GLYATL1B: variants seen among roughly 807,000 people sequenced by gnomAD.
GLYATL1B encodes the protein glycine-N-acyltransferase like 1B, also known as putative glycine N-acyltransferase-like protein 1B.
A neutral mutation model predicts 5.5 loss-of-function variants in GLYATL1B; 6 were observed. That is an observed-to-expected ratio of 1.09 (90% CI 0.60 to 2.15). The LOEUF (loss-of-function observed/expected upper bound fraction) is 2.15, where lower values mean the gene tolerates loss of function less well. Ranked by LOEUF, GLYATL1B falls within the 30% of genes most tolerant of loss-of-function variation. The pLI is 0.00. For synonymous variants in GLYATL1B, 67 were observed against 34.9 expected, an observed-to-expected ratio of 1.92 and a Z score of -3.24; for missense variants, 135 against 94.1, an observed-to-expected ratio of 1.43 and a Z score of -1.80.
chr11:59,093,393 C>T (rs1859361182), intron 2 of GLYATL1B, 136 bp from the exon 3 acceptor site: 1 of 383,202 alleles, frequency 2.6e-6, no homozygotes, highest in Non-Finnish European at 4.6e-6. Flanking sequence ...CTTATATTAT[C>T]CACGTGCCCA....
At chr11:59,094,330 G>A in intron 4 of GLYATL1B, 39 bp from the exon 5 acceptor site, 1 of 492,898 alleles carries the variant, frequency 2.0e-6, no homozygotes. Context: ...TTACAGGAGT[G>A]GGGATGAAAG....
rs1011228182 is a variant in GLYATL1B at position 59,093,253 on chromosome 11, G to A, written c.187-276G>A. Among the ~76,000 whole-genome samples the A allele has an allele frequency of 1.8e-4, 28 of 152,160 alleles. 1 individual carries two copies. The highest frequency in any genetic ancestry group is 4.1e-4 in the South Asian group (2 of 4,828). On this transcript the variant is annotated intron_variant, in intron 2 of 4. Coordinates refer to ENST00000527482, the MANE Select transcript of GLYATL1B (RefSeq NM_001355566.1). ...GTGAGGCATCTTAAGGCCTGGTGGA[G>A]GGTGACTGATTTCATCCTGTCTTTG...
chr11:59,092,972 A>C (rs188794518), intron 2 of GLYATL1B, among the ~76,000 whole-genome samples: 1 of 152,358 alleles, frequency 6.6e-6, no homozygotes, highest in East Asian at 1.9e-4. Flanking sequence ...ACTATAACTT[A>C]GAGAAATCAT....
intron 2 of GLYATL1B, among the ~76,000 whole-genome samples, chr11:59,091,651 G>A (rs1260122144): frequency 1.3e-5 from 2 of 152,138 alleles, no homozygotes; most frequent in Non-Finnish European, 2.9e-5. Context: ...AAAGTAGTCT[G>A]GAAATTTCTT....
rs546686822 is a variant in GLYATL1B, at chr11:59,094,100, C to T, written c.480C>T (p.Asp160=). ...GSWAETGHPD[D]ELESETPNFK... Reference sequence around the variant, plus strand: ...GGGCTGAGACAGGCCACCCAGATGACGAATTGGAGAGGTACAAAAAACATG... The same window carrying T: ...GGGCTGAGACAGGCCACCCAGATGATGAATTGGAGAGGTACAAAAAACATG... The change falls in exon 4 of 5, where the codon GAC becomes GAT. Residue 160 remains aspartate, a synonymous_variant. Transcript: ENST00000527482. The T allele has an allele frequency of 4.7e-5, 29 of 622,798 alleles. No homozygotes were observed. Among genetic ancestry groups the T allele is most frequent in the South Asian group, 3.0e-4 (13 of 43,172 alleles). The allele number at this position is 622,798 out of a possible 1,614,324, so 38.6% of individuals were successfully genotyped here. A position where few individuals can be genotyped will look rare whatever the true frequency, so the allele number is the denominator to read the frequency against.
At chr11:59,087,564 G>A (rs1263549459) in intron 2 of GLYATL1B, among the ~76,000 whole-genome samples, 1 of 152,150 alleles carries the variant, frequency 6.6e-6, no homozygotes, top group African/African-American at 2.4e-5. Context: ...ACATCTCATG[G>A]CCAGGCATGA....
In GLYATL1B at chr11:59,087,117, G is replaced by C. The variant is rs1198176043; in HGVS notation, c.132G>C (p.Val44=). ...INHGNPFNME[V]LVDSWPEYQM... ...ACGGGAACCCCTTCAACATGGAAGTGTTGGTGGACTCCTGGCCCGAGTATC... is the reference window on the plus strand; with the variant it reads ...ACGGGAACCCCTTCAACATGGAAGTCTTGGTGGACTCCTGGCCCGAGTATC... The change falls in exon 2 of 5, where the codon GTG becomes GTC. Residue 44 remains valine, a synonymous_variant. Coordinates refer to ENST00000527482, the MANE Select transcript of GLYATL1B (RefSeq NM_001355566.1). 64 of 678,264 alleles carry C rather than the reference G, an allele frequency of 9.4e-5. 1 individual carries two copies. Among genetic ancestry groups the C allele is most frequent in the Non-Finnish European group, 1.1e-4 (42 of 369,670 alleles). 42.0% of individuals were successfully genotyped at this position (678,264 alleles called of 1,614,324 possible). A position where few individuals can be genotyped will look rare whatever the true frequency, so the allele number is the denominator to read the frequency against.
chr11:59,093,846 T>C (rs1261612283), intron 3 of GLYATL1B, 88 bp from the exon 4 acceptor site: 2 of 502,936 alleles, frequency 4.0e-6, no homozygotes, highest in African/African-American at 4.0e-5. Flanking sequence ...CTTTGAGAAC[T>C]ACTAAGCACT....
At chr11:59,088,215 T>G (rs144525412) in intron 2 of GLYATL1B, among the ~76,000 whole-genome samples, 1 of 152,198 alleles carries the variant, frequency 6.6e-6, no homozygotes, top group African/African-American at 2.4e-5. Flanking sequence ...TGTCAAACAC[T>G]TAGTATATAG....
intron 2 of GLYATL1B, among the ~76,000 whole-genome samples, chr11:59,087,758 G>T (rs1859220396): frequency 2.6e-5 from 4 of 152,068 alleles, no homozygotes; most frequent in Admixed American, 2.6e-4. Flanking sequence ...GAGGTGGGAG[G>T]ATGGCTTGAG....
chr11:59,090,842 G>T (rs998095655), intron 2 of GLYATL1B, among the ~76,000 whole-genome samples: 2 of 151,998 alleles, frequency 1.3e-5, no homozygotes, highest in Non-Finnish European at 2.9e-5. Flanking sequence ...CATAATAAAA[G>T]TTCTATCCTT....
intron 2 of GLYATL1B, among the ~76,000 whole-genome samples, chr11:59,087,994 G>A (rs1412020760): frequency 6.6e-6 from 1 of 152,210 alleles, no homozygotes; most frequent in Non-Finnish European, 1.5e-5. Flanking sequence ...ATTTAGAGAT[G>A]AGGAAACAAC....
At chr11:59,088,840 T>C (rs1464826798) in intron 2 of GLYATL1B, among the ~76,000 whole-genome samples, 1 of 152,240 alleles carries the variant, frequency 6.6e-6, no homozygotes. Flanking sequence ...TTCCATAGTA[T>C]ACCATGTTTC....
rs145918042 is a variant in GLYATL1B at position 59,086,826 on chromosome 11, A to C, written c.79-238A>C. Among the ~76,000 whole-genome samples, 1,262 of 152,322 alleles carry C rather than the reference A, an allele frequency of 8.3e-3. 28 individuals carry two copies. The highest frequency in any genetic ancestry group is 0.029 in the African/African-American group (1,187 of 41,564). On this transcript the variant is annotated intron_variant, in intron 1 of 4. Coordinates refer to ENST00000527482, the MANE Select transcript of GLYATL1B (RefSeq NM_001355566.1). ...AATATAAGTGCTAAGTGCATTAACAAGTGCCCAGCTACTGCACAGTAGCTC... is the reference window on the plus strand; with the variant it reads ...AATATAAGTGCTAAGTGCATTAACACGTGCCCAGCTACTGCACAGTAGCTC...
chr11:59,092,639 T>A (rs1482630911), intron 2 of GLYATL1B, among the ~76,000 whole-genome samples: 1 of 152,240 alleles, frequency 6.6e-6, no homozygotes, highest in Admixed American at 6.5e-5. Context: ...ATTGTTTATA[T>A]TTCCCCTGAT....
chr11:59,086,470 A>C (rs1366495831), intron 1 of GLYATL1B, 86 bp downstream of exon 1: 2 of 396,316 alleles, frequency 5.0e-6, no homozygotes, highest in Non-Finnish European at 8.9e-6. Flanking sequence ...GTCCTTCCTG[A>C]CTTTGTGCAG....
chr11:59,093,031 G>A (rs558795021), intron 2 of GLYATL1B, among the ~76,000 whole-genome samples: 6 of 152,212 alleles, frequency 3.9e-5, no homozygotes, highest in East Asian at 3.9e-4. Context: ...CTATCAACAC[G>A]GACTCAGTAC....
rs973267036 is a variant in GLYATL1B, at chr11:59,094,583, G to C, written c.706G>C (p.Glu236Gln). 4.0e-6 allele frequency: 2 copies of C among 502,884 alleles called. No homozygotes were observed. The highest frequency in any genetic ancestry group is 3.2e-5 in the East Asian group (1 of 31,276). The allele number at this position is 502,884 out of a possible 1,614,324, so 31.2% of individuals were successfully genotyped here. Residue 236 changes from glutamate to glutamine, a missense_variant, in exon 5 of 5, where the codon GAA (glutamate) becomes CAA (glutamine). Physicochemically the swap from Glu to Gln is conservative, Grantham distance 29. Coordinates refer to ENST00000527482, the MANE Select transcript of GLYATL1B (RefSeq NM_001355566.1). The part of the protein sequence containing the change: ...SCEIGMGYSV[E>Q]KYRRRGNGTR... ...TGAAATAGGAATGGGCTACAGTGTG[G>C]AAAAATACCGAAGGAGAGGCAATGG...
intron 2 of GLYATL1B, among the ~76,000 whole-genome samples, chr11:59,090,118 A>G (rs1185892678): frequency 6.6e-6 from 1 of 152,082 alleles, no homozygotes; most frequent in Non-Finnish European, 1.5e-5. Context: ...CTATTTTGTC[A>G]TATAACTTTT....
Sources: allele counts gnomAD v4.1 joint callset (sites outside exome capture counted in the v4.1 genomes callset), GRCh38; gene constraint gnomAD v4.1.1; transcripts MANE v1.5; gene names NCBI Gene and HGNC (gene_info 2026-07-23, HGNC 2026-07-21).